The following GALNT9 variants were observed in gnomAD, a reference collection of about 807,000 sequenced individuals.
GALNT9 encodes GalNAc transferase 9.
GALNT9 carries 47 observed loss-of-function variants against 63.1 expected under a neutral mutation model. The ratio of observed to expected loss-of-function variants is 0.75; its 90% CI spans 0.59 to 0.95. GALNT9 has a LOEUF of 0.95. Among genes scored for constraint, GALNT9 ranks in the 40% least tolerant of loss-of-function variants. The pLI is 0.00. For missense variants in GALNT9, 829 were observed against 874.8 expected, an observed-to-expected ratio of 0.95 and a Z score of 0.66; for synonymous variants, 396 against 365.7, an observed-to-expected ratio of 1.08 and a Z score of -0.94.
chr12:132,204,132 C>G lies in GALNT9; in HGVS notation c.1078-442G>C, dbSNP rs1250208822. Among the ~76,000 whole-genome samples the G allele has an allele frequency of 5.4e-5, 8 of 147,520 alleles. No homozygotes were observed. The Admixed American group carries it at 5.5e-4, about 10-fold the overall frequency. On this transcript the variant is annotated intron_variant, in intron 6 of 10. Coordinates refer to ENST00000328957, the MANE Select transcript of GALNT9 (RefSeq NM_001122636.2). ...GCCATGCAGACACCGCTCCACGCAT[C>G]CCCAGAACACACACAATCAAAAGCC...
At chr12:132,240,551 G>C (rs1195818507) in intron 6 of GALNT9, 7 of 447,636 alleles carry the variant, frequency 1.6e-5, no homozygotes, top group Non-Finnish European at 3.1e-5. Context: ...TGGCCCCAGG[G>C]CTCAGCTGTG....
At chr12:132,214,158 CGT>C (rs1304693783) in intron 6 of GALNT9, among the ~76,000 whole-genome samples, 1 of 152,134 alleles carries the variant, frequency 6.6e-6, no homozygotes, top group Non-Finnish European at 1.5e-5. Flanking sequence ...TCCGGGGTGC[CGT>C]GTGTGAGGTC....
chr12:132,312,435 G>A (rs1881846394), intron 1 of GALNT9, among the ~76,000 whole-genome samples: 1 of 152,338 alleles, frequency 6.6e-6, no homozygotes, highest in African/African-American at 2.4e-5. Context: ...AAGGGCGGCT[G>A]GGAGCAAGGG....
chr12:132,213,679 C>T (rs1005593715), intron 6 of GALNT9, among the ~76,000 whole-genome samples: 2 of 152,232 alleles, frequency 1.3e-5, no homozygotes, highest in Non-Finnish European at 2.9e-5. Context: ...CTGTGAGCAC[C>T]TAGGGGTTCT....
chr12:132,212,260 G>A lies in GALNT9; in HGVS notation c.1078-8570C>T, dbSNP rs571209052. ...ACCTCGACACGGAAACCCCACCCGG[G>A]TCTGCAGCCCTCAGACCTCGACACG... is the stretch of plus-strand genomic sequence containing the variant. On this transcript the variant is annotated intron_variant, in intron 6 of 10. Coordinates refer to ENST00000328957, the MANE Select transcript of GALNT9 (RefSeq NM_001122636.2). Among the ~76,000 whole-genome samples, 202 of 82,544 alleles carry A rather than the reference G, an allele frequency of 2.4e-3. 1 individual carries two copies. Among genetic ancestry groups the A allele is most frequent in the African/African-American group, 0.01 (183 of 18,248 alleles). 54.2% of individuals were successfully genotyped at this position (82,544 alleles called of 152,430 possible).
At position 132,282,156 on chromosome 12, in the gene GALNT9, T is replaced by A. The variant is rs2135558655; in HGVS notation, c.419+4094A>T. On this transcript the variant is annotated intron_variant, in intron 2 of 10. Coordinates refer to ENST00000328957, the MANE Select transcript of GALNT9 (RefSeq NM_001122636.2). This position sits in a 1 kb window ranked among gnomAD's most constrained non-coding sequence, Gnocchi z 4.5. ...GGTCCCCGATCCCACAGAGGAGGAA[T>A]CAGCTCCACTACAGCAAGCCCAGGC... Among the ~76,000 whole-genome samples, 1 of 135,254 alleles carries A rather than the reference T, an allele frequency of 7.4e-6. No individual in the cohort carries two copies. Among genetic ancestry groups the A allele is most frequent in the Non-Finnish European group, 1.5e-5 (1 of 65,064 alleles). The allele number at this position is 135,254 out of a possible 152,430, so 88.7% of individuals were successfully genotyped here.
intron 6 of GALNT9, among the ~76,000 whole-genome samples, chr12:132,219,479 G>A (rs1411686374): frequency 6.6e-6 from 1 of 152,164 alleles, no homozygotes; most frequent in Non-Finnish European, 1.5e-5. Context: ...GGTGCCGGGC[G>A]TGTGGCTCTG....
At position 132,282,249 on chromosome 12, in the gene GALNT9, C is replaced by G. The variant is rs55987025; in HGVS notation, c.419+4001G>C. On this transcript the variant is annotated intron_variant, in intron 2 of 10. Coordinates refer to ENST00000328957, the MANE Select transcript of GALNT9 (RefSeq NM_001122636.2). The surrounding 1 kb of genome is among the most constrained non-coding windows in gnomAD (Gnocchi z 4.5). ...CAGCAAGGCCAGGCCTGGGGTCCCACATCCCACAGAGGGGGAATCAGCTCC... is the reference window on the plus strand; with the variant it reads ...CAGCAAGGCCAGGCCTGGGGTCCCAGATCCCACAGAGGGGGAATCAGCTCC... 1.8e-4 allele frequency among the ~76,000 whole-genome samples: 26 copies of G among 141,576 alleles called. No individual in the cohort carries two copies. Among genetic ancestry groups the G allele is most frequent in the African/African-American group, 6.2e-4 (23 of 37,266 alleles). 92.9% of individuals were successfully genotyped at this position (141,576 alleles called of 152,430 possible).
At chr12:132,230,460 C>T (rs967945504) in intron 6 of GALNT9, among the ~76,000 whole-genome samples, 6 of 152,244 alleles carry the variant, frequency 3.9e-5, no homozygotes, top group Admixed American at 2.6e-4. Context: ...GCCAGATCGA[C>T]GGGCATAGAA....
chr12:132,217,607 TCCAG>T (rs1169459627), intron 6 of GALNT9, among the ~76,000 whole-genome samples: 8 of 113,488 alleles, frequency 7.0e-5, no homozygotes, highest in African/African-American at 1.4e-4. Flanking sequence ...CATCCATCCA[TCCAG>T]CCATCCATCC....
At chr12:132,254,207 A>G (rs1231787404) in intron 5 of GALNT9, among the ~76,000 whole-genome samples, 2 of 151,864 alleles carry the variant, frequency 1.3e-5, no homozygotes, top group Non-Finnish European at 2.9e-5. Context: ...TTTTTAGTAG[A>G]GACAGGGTTT....
intron 1 of GALNT9, among the ~76,000 whole-genome samples, chr12:132,290,286 G>T (rs1593107629): frequency 6.6e-6 from 1 of 152,264 alleles, no homozygotes; most frequent in African/African-American, 2.4e-5. Flanking sequence ...TGCCCAGCCT[G>T]GGCCCTAGGA....
At chr12:132,256,851 G>T (rs782211986) in intron 5 of GALNT9, among the ~76,000 whole-genome samples, 4 of 152,342 alleles carry the variant, frequency 2.6e-5, no homozygotes, top group Admixed American at 6.5e-5. Flanking sequence ...CCACCCCAGT[G>T]GGCACAGAGC....
At position 132,282,206 on chromosome 12, in the gene GALNT9, G is replaced by A. The variant is rs1880381064; in HGVS notation, c.419+4044C>T. Among the ~76,000 whole-genome samples the A allele has an allele frequency of 6.7e-6, 1 of 148,156 alleles. No individual in the cohort carries two copies. Among genetic ancestry groups the A allele is most frequent in the Non-Finnish European group, 1.5e-5 (1 of 67,514 alleles). ...CCTGGGGGTCCCTGATCCCACAGAAGAGGAATCAGCTCCACTGCAGCAAGG... is the reference window on the plus strand; with the variant it reads ...CCTGGGGGTCCCTGATCCCACAGAAAAGGAATCAGCTCCACTGCAGCAAGG... On this transcript the variant is annotated intron_variant, in intron 2 of 10. Coordinates refer to ENST00000328957, the MANE Select transcript of GALNT9 (RefSeq NM_001122636.2). This position sits in a 1 kb window ranked among gnomAD's most constrained non-coding sequence, Gnocchi z 4.5.
rs1053276340 is a variant in GALNT9, at chr12:132,282,276, C to T, written c.419+3974G>A. On this transcript the variant is annotated intron_variant, in intron 2 of 10. Transcript: ENST00000328957. This position sits in a 1 kb window ranked among gnomAD's most constrained non-coding sequence, Gnocchi z 4.5. ...TCCCACAGAGGGGGAATCAGCTCCA[C>T]TACAGCAAGGCCAGGCCTGGGGTCC... 6.6e-6 allele frequency among the ~76,000 whole-genome samples: 1 copy of T among 151,952 alleles called. No homozygotes were observed. Among genetic ancestry groups the T allele is most frequent in the Non-Finnish European group, 1.5e-5 (1 of 67,982 alleles).
At chr12:132,287,499 G>A (rs569116134) in intron 1 of GALNT9, among the ~76,000 whole-genome samples, 7 of 152,278 alleles carry the variant, frequency 4.6e-5, no homozygotes, top group Admixed American at 1.3e-4. Context: ...GAACCGAGCC[G>A]TCGACACAGG....
chr12:132,328,855 CCACAGGGGCG>C (rs1412447459), intron 1 of GALNT9, 101 bp downstream of exon 1: 2 of 1,284,910 alleles, frequency 1.6e-6, no homozygotes, highest in East Asian at 2.8e-5. Flanking sequence ...ATATTCCCTC[CCACAGGGGCG>C]CAGAGGGGCG....
Position 132,238,853 on chromosome 12 carries a change from G to A in GALNT9, c.1077+9057C>T, listed in dbSNP as rs1474269507. ...AAGGATAACTGCATGAATTTTAACA[G>A]GAAACTCTTTATCACTGCCTTAGGA... is the stretch of plus-strand genomic sequence containing the variant. On this transcript the variant is annotated intron_variant, in intron 6 of 10. Transcript: ENST00000328957. The surrounding 1 kb of genome is among the most constrained non-coding windows in gnomAD (Gnocchi z 6.5). Among the ~76,000 whole-genome samples the A allele has an allele frequency of 6.6e-6, 1 of 152,176 alleles. No homozygotes were observed. The highest frequency in any genetic ancestry group is 1.5e-5 in the Non-Finnish European group (1 of 68,034).
intron 1 of GALNT9, 108 bp downstream of exon 1, chr12:132,328,858 C>T: frequency 7.7e-7 from 1 of 1,294,382 alleles, no homozygotes; most frequent in Non-Finnish European, 1.0e-6. Context: ...TTCCCTCCCA[C>T]AGGGGCGCAG....
Sources: gnomAD v4.1 joint callset for allele counts (sites outside exome capture counted in the v4.1 genomes callset) on GRCh38, gnomAD v4.1.1 for gene constraint, Gnocchi (gnomAD v3.1) non-coding constraint, MANE v1.5 for transcripts, NCBI Gene and HGNC (gene_info 2026-07-23, HGNC 2026-07-21) for gene names.